Variants in PPFIA2 observed in about 807,000 individuals in gnomAD.
PPFIA2 encodes PPFI scaffold protein A2.
A neutral mutation model predicts 175.5 loss-of-function variants in PPFIA2; 46 were observed. The observed-to-expected ratio is 0.26, with a 90% CI of 0.21 to 0.34. The LOEUF is 0.34. Ranked by LOEUF, PPFIA2 falls within the 10% of genes least tolerant of loss-of-function variation. The pLI is 1.00. For synonymous variants in PPFIA2, 568 were observed against 511.4 expected (o/e 1.11, Z -1.49); for missense variants, 1,179 against 1,506.1 (o/e 0.78, Z 3.60).
chr12:81,312,214 A>G, intron 22 of PPFIA2: 2 of 1,506,240 alleles, frequency 1.3e-6, no homozygotes, highest in Non-Finnish European at 1.8e-6. Context: ...AAAGCACACA[A>G]ATGTTAATGG....
At chr12:81,617,682 C>T (rs1433748108) in intron 4 of PPFIA2, among the ~76,000 whole-genome samples, 2 of 152,196 alleles carry the variant, frequency 1.3e-5, no homozygotes, top group African/African-American at 4.8e-5. Flanking sequence ...TTATTTCACA[C>T]TATCTCCTTA....
chr12:81,429,287 C>T (rs765405937), intron 7 of PPFIA2, among the ~76,000 whole-genome samples: 3 of 151,896 alleles, frequency 2.0e-5, no homozygotes, highest in African/African-American at 7.2e-5. Context: ...TGCAAAGGCC[C>T]CTCAAAAGAA....
intron 3 of PPFIA2, among the ~76,000 whole-genome samples, chr12:81,730,219 T>C (rs1469662695): frequency 1.3e-5 from 2 of 151,664 alleles, no homozygotes; most frequent in African/African-American, 4.8e-5. Flanking sequence ...CCATTTTCCA[T>C]GATAAATTGA....
intron 4 of PPFIA2, among the ~76,000 whole-genome samples, chr12:81,666,299 GAC>G (rs1267071199): frequency 2.0e-5 from 3 of 152,154 alleles, no homozygotes; most frequent in African/African-American, 7.2e-5. Flanking sequence ...CTGCTATAAA[GAC>G]ACATGCACAT....
intron 2 of PPFIA2, 70 bp downstream of exon 2, chr12:81,758,330 G>A (rs1461535265): frequency 2.2e-6 from 1 of 453,052 alleles, no homozygotes; most frequent in Non-Finnish European, 4.5e-6. Context: ...CTGGGGGCGG[G>A]GTGGGGCCGG....
At chr12:81,671,543 G>A (rs1016507467) in intron 4 of PPFIA2, among the ~76,000 whole-genome samples, 8 of 151,616 alleles carry the variant, frequency 5.3e-5, no homozygotes, top group South Asian at 4.1e-4. Context: ...TCTCTAATTC[G>A]CTCTCCAACT....
At chr12:81,641,986 A>T (rs2065028305) in intron 4 of PPFIA2, among the ~76,000 whole-genome samples, 1 of 152,144 alleles carries the variant, frequency 6.6e-6, no homozygotes, top group African/African-American at 2.4e-5. Flanking sequence ...TGTGTTACTG[A>T]TTAAATTCAT....
intron 8 of PPFIA2, among the ~76,000 whole-genome samples, chr12:81,405,164 G>T (rs2042712831): frequency 6.6e-6 from 1 of 151,922 alleles, no homozygotes. Flanking sequence ...CCTTTGTGTG[G>T]GACTAAACTT....
intron 4 of PPFIA2, among the ~76,000 whole-genome samples, chr12:81,526,286 A>C (rs939222781): frequency 1.3e-5 from 2 of 152,194 alleles, no homozygotes; most frequent in Admixed American, 1.3e-4. Context: ...GTTGAGAATA[A>C]GGGTGCATGT....
At chr12:81,331,297 G>C (rs975285841) in intron 21 of PPFIA2, among the ~76,000 whole-genome samples, 4 of 152,168 alleles carry the variant, frequency 2.6e-5, no homozygotes, top group Non-Finnish European at 5.9e-5. Context: ...ATAGCAACAG[G>C]CTATACCTAT....
chr12:81,317,084 T>G (rs185379316), intron 22 of PPFIA2, among the ~76,000 whole-genome samples: 1 of 151,720 alleles, frequency 6.6e-6, no homozygotes, highest in Non-Finnish European at 1.5e-5. Flanking sequence ...TTACAACTAA[T>G]CAATGTGATT....
chr12:81,609,210 T>G (rs2060642199), intron 4 of PPFIA2, among the ~76,000 whole-genome samples: 1 of 152,140 alleles, frequency 6.6e-6, no homozygotes, highest in African/African-American at 2.4e-5. Context: ...GTCATCAATC[T>G]TAAAATATGT....
intron 7 of PPFIA2, among the ~76,000 whole-genome samples, chr12:81,426,820 C>T (rs2047212324): frequency 6.6e-6 from 1 of 151,956 alleles, no homozygotes; most frequent in Admixed American, 6.6e-5. Flanking sequence ...TTTAATATGA[C>T]CTGAGGTGTC....
intron 4 of PPFIA2, among the ~76,000 whole-genome samples, chr12:81,510,201 C>G (rs1260605530): frequency 6.6e-6 from 1 of 151,950 alleles, no homozygotes; most frequent in African/African-American, 2.4e-5. Flanking sequence ...AACATATATA[C>G]AAATAAACAG....
At chr12:81,285,211 G>C (rs990844741) in intron 24 of PPFIA2, among the ~76,000 whole-genome samples, 1 of 152,054 alleles carries the variant, frequency 6.6e-6, no homozygotes, top group Non-Finnish European at 1.5e-5. Context: ...TTGGCCCCTG[G>C]AAACCACTTG....
chr12:81,468,759 A>C (rs1334431558), intron 4 of PPFIA2, among the ~76,000 whole-genome samples: 1 of 152,200 alleles, frequency 6.6e-6, no homozygotes, highest in Non-Finnish European at 1.5e-5. Flanking sequence ...AAAGTTGTAA[A>C]ATCTATTGAA....
At chr12:81,732,932 T>G (rs2081112845) in intron 3 of PPFIA2, among the ~76,000 whole-genome samples, 1 of 151,546 alleles carries the variant, frequency 6.6e-6, no homozygotes, top group South Asian at 2.1e-4. Context: ...ACAGTCAATA[T>G]GTAATTCAAA....
chr12:81,705,409 T>C (rs2077004784), intron 3 of PPFIA2, among the ~76,000 whole-genome samples: 1 of 147,186 alleles, frequency 6.8e-6, no homozygotes, highest in Non-Finnish European at 1.5e-5. Context: ...TGAGCTGAGA[T>C]TGCACCACTG....
intron 25 of PPFIA2, among the ~76,000 whole-genome samples, chr12:81,283,922 T>A (rs935848739): frequency 6.6e-6 from 1 of 151,704 alleles, no homozygotes; most frequent in Non-Finnish European, 1.5e-5. Flanking sequence ...TTTAGAAACA[T>A]GTTACCTGTG....
Sources: gnomAD v4.1 joint callset for allele counts (sites outside exome capture counted in the v4.1 genomes callset) on GRCh38, gnomAD v4.1.1 for gene constraint, MANE v1.5 for transcripts, NCBI Gene and HGNC (gene_info 2026-07-23, HGNC 2026-07-21) for gene names.